Variants in FAM13A observed in about 807,000 individuals in gnomAD.
FAM13A encodes family with sequence similarity 13 member A.
In FAM13A, 76 loss-of-function variants were observed where a neutral mutation model predicts 129.6. That is an observed-to-expected ratio of 0.59 (90% CI 0.49 to 0.71). The LOEUF (loss-of-function observed/expected upper bound fraction) is 0.71. Ranked by LOEUF, FAM13A falls within the 30% of genes least tolerant of loss-of-function variation. The probability of loss-of-function intolerance (pLI) is 0.00; values close to 1 mark genes in which losing one functional copy is unlikely to be tolerated. For missense variants in FAM13A, 1,108 were observed against 1,249.3 expected, an observed-to-expected ratio of 0.89 and a Z score of 1.70; for synonymous variants, 443 against 449.9, an observed-to-expected ratio of 0.98 and a Z score of 0.20.
chr4:89,037,438 C>T (rs1769530963), intron 1 of FAM13A, among the ~76,000 whole-genome samples: 1 of 152,114 alleles, frequency 6.6e-6, no homozygotes, highest in Admixed American at 6.5e-5. Flanking sequence ...CACCTGTACC[C>T]CATTTTATCT....
chr4:88,748,621 T>G (rs1741886096), intron 17 of FAM13A, among the ~76,000 whole-genome samples: 1 of 151,208 alleles, frequency 6.6e-6, no homozygotes, highest in Admixed American at 6.6e-5. Context: ...GATTCATCTC[T>G]GTGTCTACTT....
chr4:89,056,945 G>T lies in FAM13A; in HGVS notation c.20C>A (p.Ala7Asp). The change falls in exon 1 of 24, where the codon GCC (alanine) becomes GAC (aspartate). Residue 7 changes from alanine (A) to aspartate (D), a missense_variant. Physicochemically the swap from Ala to Asp is moderately radical, Grantham distance 126 (BLOSUM62 -2). Coordinates refer to ENST00000264344, the MANE Select transcript of FAM13A (RefSeq NM_014883.4). ...AAGAAGGCCTATACTTACACAGATG[G>T]CTAGAGCTCCTGCCCCCATTCTCTC... Reference protein sequence around the residue: MGAGALAICQSKAAVRL... With the variant: MGAGALDICQSKAAVRL... 6.2e-7 allele frequency: 1 copy of T among 1,613,678 alleles called. No homozygotes were observed. Among genetic ancestry groups the T allele is most frequent in the Non-Finnish European group, 8.5e-7 (1 of 1,179,768 alleles).
chr4:89,009,386 T>A (rs796744831), intron 3 of FAM13A, among the ~76,000 whole-genome samples: 14 of 152,306 alleles, frequency 9.2e-5, no homozygotes, highest in African/African-American at 3.4e-4. Flanking sequence ...CCTTACAGAA[T>A]GTTAAAGCAG....
rs904554877 is a variant in FAM13A at position 88,945,305 on chromosome 4, G to C, written c.606-7064C>G. 3.9e-5 allele frequency among the ~76,000 whole-genome samples: 6 copies of C among 152,282 alleles called. No individual in the cohort carries two copies. The East Asian group carries it at 9.7e-4, about 25-fold the overall frequency. ...ATTTCAAAGGACAAGTCTCATGCCTGATGTGTGAACTACATGCGGAGTTGA... is the reference window on the plus strand; with the variant it reads ...ATTTCAAAGGACAAGTCTCATGCCTCATGTGTGAACTACATGCGGAGTTGA... On this transcript the variant is annotated intron_variant, in intron 4 of 23. Coordinates refer to ENST00000264344, the MANE Select transcript of FAM13A (RefSeq NM_014883.4).
intron 8 of FAM13A, among the ~76,000 whole-genome samples, chr4:88,792,959 T>TA (rs1440000677): frequency 1.3e-5 from 2 of 152,056 alleles, no homozygotes; most frequent in Non-Finnish European, 1.5e-5. Context: ...ACTCTTTAAA[T>TA]AAGTGCTTCT....
rs371537265 is a variant in FAM13A at position 88,864,350 on chromosome 4, C to A, written c.844-13167G>T. 1.3e-3 allele frequency among the ~76,000 whole-genome samples: 205 copies of A among 152,288 alleles called. 8 individuals are homozygous for A. In the South Asian group the frequency reaches 0.042, roughly 31 times the overall value. The stretch of plus-strand genomic sequence containing the variant: ...TCTTTAACCCTTCTCTAAATAAAAC[C>A]TTTCTTTCAGAGTTATTAAATCAAG... On this transcript the variant is annotated intron_variant, in intron 6 of 23. Coordinates refer to ENST00000264344, the MANE Select transcript of FAM13A (RefSeq NM_014883.4).
At chr4:89,000,793 G>C (rs1454987542) in intron 3 of FAM13A, among the ~76,000 whole-genome samples, 2 of 152,176 alleles carry the variant, frequency 1.3e-5, no homozygotes, top group Admixed American at 6.5e-5. Flanking sequence ...AGATAAAGAT[G>C]ACAGATCATT....
intron 4 of FAM13A, among the ~76,000 whole-genome samples, chr4:88,945,813 T>C (rs1158271203): frequency 2.8e-5 from 4 of 141,084 alleles, no homozygotes; most frequent in Non-Finnish European, 6.1e-5. Flanking sequence ...ATATATATTA[T>C]ATATATATAT....
At chr4:88,891,282 G>C (rs1745264656) in intron 6 of FAM13A, among the ~76,000 whole-genome samples, 1 of 152,086 alleles carries the variant, frequency 6.6e-6, no homozygotes, top group South Asian at 2.1e-4. Flanking sequence ...AAATTAACCA[G>C]GTGTGGTGGC....
intron 5 of FAM13A, among the ~76,000 whole-genome samples, chr4:88,936,079 C>T (rs1753803217): frequency 6.6e-6 from 1 of 152,280 alleles, no homozygotes; most frequent in African/African-American, 2.4e-5. Flanking sequence ...CTACCTAAGA[C>T]ATCTGTATTT....
intron 5 of FAM13A, among the ~76,000 whole-genome samples, chr4:88,909,977 G>A (rs1052472849): frequency 2.6e-4 from 39 of 152,048 alleles, no homozygotes; most frequent in Non-Finnish European, 3.4e-4. Context: ...AAGAGACCTC[G>A]GGTTTGTGTT....
rs144996353 is a variant in FAM13A at position 88,850,276 on chromosome 4, C to T, written c.1007+744G>A. ...TTACCTATTTTAAGAAAATTGTGGC[C>T]GGGCGTGGTGGCTCATGCCTGTAAT... On this transcript the variant is annotated intron_variant, in intron 7 of 23. Coordinates refer to ENST00000264344, the MANE Select transcript of FAM13A (RefSeq NM_014883.4). 3.6e-3 allele frequency among the ~76,000 whole-genome samples: 551 copies of T among 152,052 alleles called. 2 individuals carry two copies. Among genetic ancestry groups the T allele is most frequent in the African/African-American group, 0.011 (446 of 41,462 alleles).
intron 6 of FAM13A, among the ~76,000 whole-genome samples, chr4:88,876,136 T>C (rs1047445510): frequency 3.3e-5 from 5 of 152,086 alleles, no homozygotes; most frequent in Non-Finnish European, 7.3e-5. Flanking sequence ...CACCAGGGCC[T>C]GTCCTGGGAT....
intron 6 of FAM13A, among the ~76,000 whole-genome samples, chr4:88,882,550 A>G (rs1743759406): frequency 6.6e-6 from 1 of 151,648 alleles, no homozygotes. Flanking sequence ...CCAACATAGA[A>G]CCTCCTTAAA....
chr4:88,790,596 C>T lies in FAM13A; in HGVS notation c.1081G>A (p.Ala361Thr). The change falls in exon 9 of 24, where the codon GCA (alanine) becomes ACA (threonine). Residue 361 changes from alanine to threonine, a missense_variant. Transcript: ENST00000264344. ...AHVPQVSNVS[A>T]TGELLERTIR... ...ACCCAAATAACTTACTCTCCGGTTG[C>T]AGACACATTGCTGACTTGGGGTACA... 3 of 1,604,518 alleles carry T rather than the reference C, an allele frequency of 1.9e-6. No individual in the cohort carries two copies. Among genetic ancestry groups the T allele is most frequent in the Non-Finnish European group, 2.6e-6 (3 of 1,175,252 alleles).
chr4:88,934,103 G>C (rs1753475709), intron 5 of FAM13A, among the ~76,000 whole-genome samples: 1 of 152,164 alleles, frequency 6.6e-6, no homozygotes, highest in South Asian at 2.1e-4. Flanking sequence ...TGTCTTCATG[G>C]CTTGCTCCCT....
Position 88,882,573 on chromosome 4 carries a change from T to C in FAM13A, c.843+23806A>G, listed in dbSNP as rs1003406392. On this transcript the variant is annotated intron_variant, in intron 6 of 23. Transcript: ENST00000264344. The stretch of plus-strand genomic sequence containing the variant: ...GAACCTCCTTAAAGCATAAATCTCA[T>C]ACCACCTACAAAACAAAAACACAAT... 4.7e-5 allele frequency among the ~76,000 whole-genome samples: 7 copies of C among 150,334 alleles called. No homozygotes were observed. In the Admixed American group the frequency reaches 4.7e-4, roughly 10 times the overall value.
At position 88,731,047 on chromosome 4, in the gene FAM13A, G is replaced by T. The variant is rs937936241; in HGVS notation, c.2945+280C>A. ...GCTTCCTGCTGCTCATTGTAGATAA[G>T]AATTTGATGGGACAGGTTCATTTCA... On this transcript the variant is annotated intron_variant, in intron 23 of 23. Coordinates refer to ENST00000264344, the MANE Select transcript of FAM13A (RefSeq NM_014883.4). Among the ~76,000 whole-genome samples the T allele has an allele frequency of 5.3e-5, 8 of 152,162 alleles. No homozygotes were observed. The East Asian group carries it at 1.4e-3, about 26-fold the overall frequency.
At chr4:88,830,868 A>C (rs1257238817) in intron 7 of FAM13A, among the ~76,000 whole-genome samples, 7 of 152,220 alleles carry the variant, frequency 4.6e-5, no homozygotes, top group Non-Finnish European at 1.5e-5. Context: ...TTTCAAACAC[A>C]GAAAATAAGA....
Sources: gnomAD v4.1 joint callset for allele counts (sites outside exome capture counted in the v4.1 genomes callset) on GRCh38, gnomAD v4.1.1 for gene constraint, MANE v1.5 for transcripts, NCBI Gene and HGNC (gene_info 2026-07-23, HGNC 2026-07-21) for gene names.